Variants in SLC13A3 observed in about 807,000 individuals in gnomAD.
SLC13A3 encodes Na(+)/dicarboxylate cotransporter 3.
Under a neutral mutation model 59.0 loss-of-function variants are expected in SLC13A3, and 40 were observed. The observed-to-expected ratio is 0.68, with a 90% confidence interval of 0.53 to 0.88. The LOEUF is 0.88. Ranked by LOEUF, SLC13A3 falls within the 40% of genes least tolerant of loss-of-function variation. The probability of loss-of-function intolerance (pLI) is 0.00; values close to 1 mark genes in which losing one functional copy is unlikely to be tolerated. For synonymous variants in SLC13A3, 317 were observed against 330.3 expected (o/e 0.96, Z 0.44); for missense variants, 699 against 783.2 (o/e 0.89, Z 1.28).
chr20:46,563,632 G>GAGAT, intron 11 of SLC13A3, 81 bp from the exon 12 acceptor site: 3 of 1,455,546 alleles, frequency 2.1e-6, no homozygotes, highest in Admixed American at 4.3e-5. Context: ...GAGAGAGAGA[G>GAGAT]GCAGTTGGAA....
intron 6 of SLC13A3, 121 bp downstream of exon 6, chr20:46,592,279 AAAAG>A: frequency 2.5e-6 from 3 of 1,223,614 alleles, no homozygotes; most frequent in Non-Finnish European, 3.5e-6. Context: ...ATACATACAT[AAAAG>A]AAAGAAATGA....
intron 10 of SLC13A3, among the ~76,000 whole-genome samples, chr20:46,573,123 A>G (rs527354168): frequency 2.8e-4 from 42 of 152,288 alleles, no homozygotes; most frequent in African/African-American, 1.0e-3. Flanking sequence ...TGAAGTCTGT[A>G]TCGTTATTTA....
rs2063021481 is a variant in SLC13A3 at position 46,660,256 on chromosome 20, T to G, written c.-31+9787A>C. Among the ~76,000 whole-genome samples, 7 of 152,212 alleles carry G rather than the reference T, an allele frequency of 4.6e-5. 1 individual carries two copies. The South Asian group carries it at 1.2e-3, about 27-fold the overall frequency. ...AGGTGCTAGCATTTCTTTTACCATT[T>G]CTTATAGTGCTGGCTTGTTGAAAGG... On this transcript the variant is annotated intron_variant, in intron 1 of 12. Transcript: ENST00000290317.
chr20:46,683,097 A>G (rs2063161201), intron 1 of SLC13A3, among the ~76,000 whole-genome samples: 1 of 152,134 alleles, frequency 6.6e-6, no homozygotes, highest in Non-Finnish European at 1.5e-5. Flanking sequence ...ACTTGCAAAG[A>G]TCATTACTGC....
chr20:46,573,971 C>T (rs926841628), intron 10 of SLC13A3, among the ~76,000 whole-genome samples: 1 of 152,220 alleles, frequency 6.6e-6, no homozygotes, highest in African/African-American at 2.4e-5. Context: ...GTTTTTAACG[C>T]CTCGGTTTAC....
intron 11 of SLC13A3, among the ~76,000 whole-genome samples, chr20:46,565,112 T>A (rs2061968404): frequency 6.6e-6 from 1 of 152,248 alleles, no homozygotes; most frequent in Admixed American, 6.5e-5. Context: ...AATATAAAAC[T>A]ATATTGATAG....
intron 10 of SLC13A3, among the ~76,000 whole-genome samples, chr20:46,570,420 T>C (rs1568911581): frequency 6.6e-6 from 1 of 152,170 alleles, no homozygotes; most frequent in Admixed American, 6.5e-5. Context: ...AATATTGAAG[T>C]AGAAAATGCA....
rs767074268 is a variant in SLC13A3 at position 46,589,191 on chromosome 20, G to A, written c.985C>T (p.Arg329Trp). 2.2e-5 allele frequency: 36 copies of A among 1,614,048 alleles called. 1 individual carries two copies. The highest frequency in any genetic ancestry group is 1.7e-5 in the Admixed American group (1 of 59,996). The change falls in exon 7 of 13, where the codon CGG (arginine) becomes TGG (tryptophan). Residue 329 changes from arginine (R) to tryptophan (W), a missense_variant. Coordinates refer to ENST00000279027, the MANE Select transcript of SLC13A3 (RefSeq NM_022829.6). The part of the protein sequence containing the change: ...NAEDRARAVI[R>W]EEYQNLGPIK... ...GGCCCCAGGTTCTGGTATTCTTCCC[G>A]AATTACAGCTCGAGCCCTATCTTCT...
chr20:46,563,621 A>AGAGAGAGAGT, intron 11 of SLC13A3, 70 bp from the exon 12 acceptor site: 1 of 1,487,062 alleles, frequency 6.7e-7, no homozygotes. Flanking sequence ...AGAGGGAGAG[A>AGAGAGAGAGT]GAGAGAGAGA....
chr20:46,683,221 A>C (rs1303936235), intron 1 of SLC13A3, among the ~76,000 whole-genome samples: 1 of 152,202 alleles, frequency 6.6e-6, no homozygotes, highest in African/African-American at 2.4e-5. Context: ...CCTTCTAACA[A>C]AAAAGCAGCC....
chr20:46,628,549 G>A (rs2062702137), intron 1 of SLC13A3, among the ~76,000 whole-genome samples: 1 of 152,150 alleles, frequency 6.6e-6, no homozygotes, highest in African/African-American at 2.4e-5. Context: ...TGACCCTAGA[G>A]GCCAGATTCT....
chr20:46,580,123 T>A (rs895382524), intron 9 of SLC13A3, among the ~76,000 whole-genome samples: 1 of 152,130 alleles, frequency 6.6e-6, no homozygotes, highest in Admixed American at 6.5e-5. Context: ...ACCCTGATAA[T>A]TTTTGTATTT....
At position 46,576,925 on chromosome 20, in the gene SLC13A3, T is replaced by C. The variant is rs565271933; in HGVS notation, c.1220-1240A>G. Among the ~76,000 whole-genome samples the C allele has an allele frequency of 6.6e-5, 10 of 152,308 alleles. No homozygotes were observed. The East Asian group carries it at 1.9e-3, about 29-fold the overall frequency. ...AATCCTTCTACCAGCAAGCATGCAG[T>C]CCACAAGTGTATGCAGCCCACAGGT... is the stretch of plus-strand genomic sequence containing the variant. On this transcript the variant is annotated intron_variant, in intron 9 of 12. Transcript: ENST00000279027.
rs1330926848 is a variant in SLC13A3 at position 46,558,350 on chromosome 20, T to C, written c.*1672A>G. ...TAGAAAATCAGAGAGGTCAACTCTG[T>C]GGAATCCCCAGCCCAGGAATTTGGG... is the stretch of plus-strand genomic sequence containing the variant. On this transcript the variant is annotated 3_prime_UTR_variant, in exon 13 of 13. Coordinates refer to ENST00000279027, the MANE Select transcript of SLC13A3 (RefSeq NM_022829.6). The C allele has an allele frequency of 6.6e-6, 1 of 152,248 alleles. No individual in the cohort carries two copies. Among genetic ancestry groups the C allele is most frequent in the Non-Finnish European group, 1.5e-5 (1 of 68,062 alleles). The allele number at this position is 152,248 out of a possible 1,614,324, so 9.4% of individuals were successfully genotyped here.
upstream of SLC13A3, among the ~76,000 whole-genome samples, chr20:46,671,570 T>C (rs1371406627): frequency 5.3e-5 from 8 of 151,342 alleles, no homozygotes; most frequent in Non-Finnish European, 1.2e-4. Flanking sequence ...AATCACAGTG[T>C]GGGTTCTCTA....
chr20:46,603,573 AAAG>A (rs1382778798), intron 3 of SLC13A3, among the ~76,000 whole-genome samples: 1 of 151,000 alleles, frequency 6.6e-6, no homozygotes, highest in Non-Finnish European at 1.5e-5. Context: ...TTTTGGTAAA[AAAG>A]AAGGTCTTGC....
At chr20:46,608,155 T>C (rs564727307) in intron 3 of SLC13A3, among the ~76,000 whole-genome samples, 138 of 152,328 alleles carry the variant, frequency 9.1e-4, no homozygotes, top group Middle Eastern at 6.8e-3. Context: ...ACCTACAATA[T>C]GCAGCCCCAA....
chr20:46,611,589 T>C (rs2062494398), intron 2 of SLC13A3, among the ~76,000 whole-genome samples: 1 of 152,172 alleles, frequency 6.6e-6, no homozygotes, highest in Non-Finnish European at 1.5e-5. Context: ...CAGAACCTTC[T>C]TTTCCTACGC....
intron 1 of SLC13A3, among the ~76,000 whole-genome samples, chr20:46,638,463 T>C (rs545394712): frequency 6.6e-6 from 1 of 152,336 alleles, no homozygotes; most frequent in South Asian, 2.1e-4. Flanking sequence ...TCTTTTGTTA[T>C]TTCCCTAGCA....
Sources: allele counts gnomAD v4.1 joint callset (sites outside exome capture counted in the v4.1 genomes callset), GRCh38; gene constraint gnomAD v4.1.1; transcripts MANE v1.5; gene names NCBI Gene and HGNC (gene_info 2026-07-23, HGNC 2026-07-21).